NLGN1: variants seen among roughly 807,000 people sequenced by gnomAD.
NLGN1 encodes neuroligin 1.
NLGN1 carries 12 observed loss-of-function variants against 65.5 expected under a neutral mutation model. The ratio of observed to expected loss-of-function variants is 0.18; its 90% CI spans 0.12 to 0.30. The LOEUF (loss-of-function observed/expected upper bound fraction) is 0.30, where lower values mean the gene tolerates loss of function less well. Among genes scored for constraint, NLGN1 ranks in the 10% least tolerant of loss-of-function variants. The pLI, the probability that NLGN1 is intolerant of heterozygous loss-of-function variation, is 1.00. For missense variants in NLGN1, 750 were observed against 1,007.1 expected (o/e 0.74, Z 3.46); for synonymous variants, 350 against 359.5 (o/e 0.97, Z 0.30).
intron 4 of NLGN1, among the ~76,000 whole-genome samples, chr3:174,200,961 G>T (rs1734339940): frequency 6.6e-6 from 1 of 152,140 alleles, no homozygotes; most frequent in Admixed American, 6.5e-5. Flanking sequence ...CCCTGTCAGG[G>T]CATGGTTGTT....
intron 4 of NLGN1, among the ~76,000 whole-genome samples, chr3:173,904,867 T>C (rs1051851262): frequency 1.3e-5 from 2 of 152,168 alleles, no homozygotes; most frequent in African/African-American, 4.8e-5. Flanking sequence ...AAGCTTACAA[T>C]AGCACACGCT....
chr3:173,851,414 C>A (rs1360270741), intron 4 of NLGN1, among the ~76,000 whole-genome samples: 1 of 151,912 alleles, frequency 6.6e-6, no homozygotes, highest in Non-Finnish European at 1.5e-5. Flanking sequence ...TATGTTTATT[C>A]CTTGATTTTG....
At chr3:174,007,054 C>G (rs1724570283) in intron 4 of NLGN1, among the ~76,000 whole-genome samples, 1 of 151,958 alleles carries the variant, frequency 6.6e-6, no homozygotes, top group Non-Finnish European at 1.5e-5. Context: ...TGTGACAGAC[C>G]AAGACTTCAT....
intron 3 of NLGN1, among the ~76,000 whole-genome samples, chr3:173,614,660 G>A (rs1752787623): frequency 6.6e-6 from 1 of 152,046 alleles, no homozygotes; most frequent in Non-Finnish European, 1.5e-5. Context: ...CAGCCAAGCA[G>A]CCTATCAGTG....
intron 4 of NLGN1, among the ~76,000 whole-genome samples, chr3:174,084,548 A>G (rs1325312013): frequency 1.3e-5 from 2 of 152,152 alleles, no homozygotes; most frequent in East Asian, 3.8e-4. Context: ...TTCAGAATAT[A>G]ATAGAAACCA....
At chr3:174,148,844 A>G (rs1270259719) in intron 4 of NLGN1, among the ~76,000 whole-genome samples, 1 of 152,162 alleles carries the variant, frequency 6.6e-6, no homozygotes, top group Non-Finnish European at 1.5e-5. Context: ...AGCATTTATT[A>G]CTTGTACTCC....
intron 2 of NLGN1, among the ~76,000 whole-genome samples, chr3:173,440,875 A>G (rs571293262): frequency 2.0e-5 from 3 of 152,302 alleles, no homozygotes; most frequent in African/African-American, 7.2e-5. Flanking sequence ...CAAGCCAGAC[A>G]TTGACTTCTC....
At chr3:174,058,987 T>A (rs1020452585) in intron 4 of NLGN1, among the ~76,000 whole-genome samples, 11 of 152,166 alleles carry the variant, frequency 7.2e-5, no homozygotes, top group African/African-American at 2.7e-4. Context: ...ATGAATAATC[T>A]GATCTACAAA....
chr3:174,209,780 C>T (rs1736111091), intron 4 of NLGN1, among the ~76,000 whole-genome samples: 1 of 151,606 alleles, frequency 6.6e-6, no homozygotes, highest in African/African-American at 2.4e-5. Flanking sequence ...TTACTGGCAC[C>T]CACCACCACA....
At chr3:174,098,035 G>A (rs1028195911) in intron 4 of NLGN1, among the ~76,000 whole-genome samples, 3 of 152,124 alleles carry the variant, frequency 2.0e-5, no homozygotes, top group Admixed American at 6.5e-5. Context: ...ATTAACATTC[G>A]TCTGATAAAA....
chr3:173,497,389 A>AAAATAAAT lies in NLGN1; in HGVS notation c.-321+62336_-321+62343dup, dbSNP rs1247870942. ...GGCGACAAGTGTGAAACTCCATCTC[A>AAAATAAAT]AAATAAATAAATAAATAAATAAATA... is the stretch of plus-strand genomic sequence containing the variant. On this transcript the variant is annotated intron_variant, in intron 2 of 6. Transcript: ENST00000457714. Among the ~76,000 whole-genome samples the AAAATAAAT allele has an allele frequency of 1.4e-4, 21 of 146,218 alleles. 1 individual carries two copies. Among genetic ancestry groups the AAAATAAAT allele is most frequent in the African/African-American group, 5.0e-4 (20 of 39,970 alleles).
chr3:174,176,291 A>G (rs572749653), intron 4 of NLGN1, among the ~76,000 whole-genome samples: 2 of 152,112 alleles, frequency 1.3e-5, no homozygotes, highest in Non-Finnish European at 2.9e-5. Flanking sequence ...AAGTCTCCCC[A>G]ATTCTGTTAC....
chr3:173,777,671 A>G (rs758502259), intron 3 of NLGN1, among the ~76,000 whole-genome samples: 7 of 150,196 alleles, frequency 4.7e-5, no homozygotes, highest in African/African-American at 1.7e-4. Context: ...CTATCTATCT[A>G]TCTATCCATC....
chr3:174,153,106 T>G (rs962908182), intron 4 of NLGN1, among the ~76,000 whole-genome samples: 1 of 152,130 alleles, frequency 6.6e-6, no homozygotes, highest in Admixed American at 6.6e-5. Context: ...GAAACCAGCC[T>G]CTTTTATTGA....
At chr3:173,748,175 A>T (rs974927147) in intron 3 of NLGN1, among the ~76,000 whole-genome samples, 1 of 152,046 alleles carries the variant, frequency 6.6e-6, no homozygotes, top group Non-Finnish European at 1.5e-5. Context: ...AAATAACTGC[A>T]TTGTTTTACT....
intron 4 of NLGN1, among the ~76,000 whole-genome samples, chr3:173,874,808 AT>A (rs1159149183): frequency 6.6e-6 from 1 of 152,174 alleles, no homozygotes; most frequent in Non-Finnish European, 1.5e-5. Flanking sequence ...GCACAGATCT[AT>A]TCTATCTCTT....
At chr3:173,761,081 T>A (rs1428777555) in intron 3 of NLGN1, among the ~76,000 whole-genome samples, 1 of 152,046 alleles carries the variant, frequency 6.6e-6, no homozygotes, top group Non-Finnish European at 1.5e-5. Flanking sequence ...TATTGTGTAG[T>A]ACAATGAGAA....
At chr3:174,100,221 T>G (rs1476938829) in intron 4 of NLGN1, among the ~76,000 whole-genome samples, 3 of 151,770 alleles carry the variant, frequency 2.0e-5, no homozygotes, top group Non-Finnish European at 4.4e-5. Context: ...TATAGACAAC[T>G]AAGGAATCTT....
chr3:173,994,874 T>C (rs1721940982), intron 4 of NLGN1, among the ~76,000 whole-genome samples: 1 of 152,152 alleles, frequency 6.6e-6, no homozygotes, highest in South Asian at 2.1e-4. Context: ...GAAGAAATGT[T>C]TGAAACTTTA....
Sources: allele counts gnomAD v4.1 joint callset (sites outside exome capture counted in the v4.1 genomes callset), GRCh38; gene constraint gnomAD v4.1.1; transcripts MANE v1.5; gene names NCBI Gene and HGNC (gene_info 2026-07-23, HGNC 2026-07-21).